The following UVRAG variants were observed in gnomAD, a reference collection of about 807,000 sequenced individuals.
UVRAG encodes the protein UV radiation resistance-associated gene protein.
A neutral mutation model predicts 78.0 loss-of-function variants in UVRAG; 19 were observed. The ratio of observed to expected loss-of-function variants is 0.24; its 90% confidence interval spans 0.17 to 0.36. The LOEUF is 0.36. Among genes scored for constraint, UVRAG ranks in the 10% least tolerant of loss-of-function variants. The probability of loss-of-function intolerance (pLI) is 1.00; values close to 1 mark genes in which losing one functional copy is unlikely to be tolerated. For synonymous variants in UVRAG, 323 were observed against 324.6 expected (o/e 1.00, Z 0.05); for missense variants, 740 against 853.8 (o/e 0.87, Z 1.66).
intron 13 of UVRAG, among the ~76,000 whole-genome samples, chr11:76,088,920 T>G (rs1951643946): frequency 6.6e-6 from 1 of 152,172 alleles, no homozygotes; most frequent in African/African-American, 2.4e-5. Flanking sequence ...CCTACTAAAT[T>G]AATAAGTTCC....
intron 6 of UVRAG, 134 bp from the exon 7 acceptor site, chr11:75,961,309 AT>A (rs1158455561): frequency 1.5e-6 from 1 of 664,434 alleles, no homozygotes; most frequent in African/African-American, 1.9e-5. Flanking sequence ...TTCATTGCGA[AT>A]ATGCTAGATA....
intron 7 of UVRAG, among the ~76,000 whole-genome samples, chr11:75,965,325 A>AT (rs201301813): frequency 0.031 from 4,383 of 141,134 alleles, 216 homozygotes; most frequent in African/African-American, 0.12. Flanking sequence ...TATTTATTTA[A>AT]TTTTGAGACG....
intron 11 of UVRAG, among the ~76,000 whole-genome samples, chr11:76,015,479 CTTAG>C (rs1950129013): frequency 6.6e-6 from 1 of 151,916 alleles, no homozygotes; most frequent in Admixed American, 6.6e-5. Flanking sequence ...ATCTCTGAGC[CTTAG>C]TTTGTTTATC....
At chr11:76,080,154 C>A (rs1951470756) in intron 13 of UVRAG, among the ~76,000 whole-genome samples, 1 of 152,108 alleles carries the variant, frequency 6.6e-6, no homozygotes, top group Non-Finnish European at 1.5e-5. Context: ...AAAGGTTCCA[C>A]CCCTTAATAC....
At chr11:75,826,492 C>T (rs1489272384) in intron 1 of UVRAG, among the ~76,000 whole-genome samples, 1 of 152,230 alleles carries the variant, frequency 6.6e-6, no homozygotes, top group Non-Finnish European at 1.5e-5. Context: ...GCAACATTAG[C>T]CTCACAGCTT....
intron 4 of UVRAG, among the ~76,000 whole-genome samples, chr11:75,883,564 G>A (rs1454830165): frequency 2.0e-5 from 3 of 152,072 alleles, no homozygotes; most frequent in Non-Finnish European, 2.9e-5. Context: ...TAGGATAATA[G>A]CCAGAATCAG....
chr11:75,924,082 A>G (rs1049186710), intron 6 of UVRAG, among the ~76,000 whole-genome samples: 1 of 152,220 alleles, frequency 6.6e-6, no homozygotes, highest in African/African-American at 2.4e-5. Flanking sequence ...TCAGTTTACA[A>G]TGTTGTTCCT....
chr11:75,869,004 TGTC>T (rs1414985043), intron 3 of UVRAG, among the ~76,000 whole-genome samples: 4 of 152,216 alleles, frequency 2.6e-5, no homozygotes, highest in African/African-American at 9.6e-5. Flanking sequence ...ATGTTGGACA[TGTC>T]ATATACATTA....
intron 7 of UVRAG, among the ~76,000 whole-genome samples, chr11:75,963,653 C>T (rs548523547): frequency 6.6e-6 from 1 of 152,230 alleles, no homozygotes; most frequent in East Asian, 1.9e-4. Flanking sequence ...GATTACCTTC[C>T]AAGACCATAT....
intron 6 of UVRAG, among the ~76,000 whole-genome samples, chr11:75,952,167 C>A (rs772546161): frequency 3.3e-5 from 5 of 152,190 alleles, no homozygotes; most frequent in Non-Finnish European, 7.4e-5. Context: ...CTCATTAGTT[C>A]TAGTAGTTGG....
At chr11:75,923,722 T>G (rs1302720378) in intron 6 of UVRAG, among the ~76,000 whole-genome samples, 3 of 152,210 alleles carry the variant, frequency 2.0e-5, no homozygotes, top group Admixed American at 1.3e-4. Context: ...TTTTTCCTGC[T>G]TCTCCTTGGT....
At chr11:75,940,653 G>C (rs944920354) in intron 6 of UVRAG, among the ~76,000 whole-genome samples, 3 of 152,176 alleles carry the variant, frequency 2.0e-5, no homozygotes, top group Non-Finnish European at 4.4e-5. Context: ...TAAGGGGATA[G>C]TAATAATTAG....
intron 9 of UVRAG, among the ~76,000 whole-genome samples, chr11:76,006,684 AAAG>A (rs1455277603): frequency 8.6e-5 from 13 of 150,800 alleles, no homozygotes; most frequent in African/African-American, 2.2e-4. Context: ...AAAAAAAAAA[AAAG>A]AGAGAGAGAA....
At chr11:75,963,797 A>G (rs925090122) in intron 7 of UVRAG, among the ~76,000 whole-genome samples, 2 of 152,050 alleles carry the variant, frequency 1.3e-5, no homozygotes, top group Admixed American at 1.3e-4. Context: ...TGCTGTTATC[A>G]TTTTGAATTT....
intron 13 of UVRAG, among the ~76,000 whole-genome samples, chr11:76,092,235 C>A (rs1458886469): frequency 2.0e-5 from 3 of 152,224 alleles, no homozygotes; most frequent in African/African-American, 7.2e-5. Context: ...TCCAGTCTAT[C>A]ATTGATGGAC....
At chr11:76,093,519 C>A (rs988895945) in intron 13 of UVRAG, among the ~76,000 whole-genome samples, 4 of 152,236 alleles carry the variant, frequency 2.6e-5, no homozygotes, top group Non-Finnish European at 5.9e-5. Context: ...TTGTTTGTAT[C>A]CTCTTTTATT....
intron 6 of UVRAG, among the ~76,000 whole-genome samples, chr11:75,957,330 A>C (rs924033855): frequency 1.1e-4 from 17 of 151,320 alleles, no homozygotes; most frequent in Admixed American, 1.1e-3. Context: ...TTCTGCACTG[A>C]TTTGCCTTCA....
At chr11:76,061,346 A>G (rs559164930) in intron 12 of UVRAG, among the ~76,000 whole-genome samples, 6 of 152,292 alleles carry the variant, frequency 3.9e-5, no homozygotes, top group South Asian at 2.1e-4. Flanking sequence ...AAATGAACCA[A>G]TCAGCAGGAT....
intron 13 of UVRAG, among the ~76,000 whole-genome samples, chr11:76,088,491 C>T (rs559220425): frequency 1.1e-4 from 16 of 150,096 alleles, no homozygotes; most frequent in Non-Finnish European, 1.8e-4. Context: ...TCCGCCCACC[C>T]GCGCCCCCTC....
Sources: allele counts gnomAD v4.1 joint callset (sites outside exome capture counted in the v4.1 genomes callset), GRCh38; gene constraint gnomAD v4.1.1; transcripts MANE v1.5; gene names NCBI Gene and HGNC (gene_info 2026-07-23, HGNC 2026-07-21).